TMEM67: variants seen among roughly 807,000 people sequenced by gnomAD.
TMEM67 encodes transmembrane protein 67.
A neutral mutation model predicts 136.6 loss-of-function variants in TMEM67; 124 were observed. The ratio of observed to expected loss-of-function variants is 0.91; its 90% CI spans 0.78 to 1.05. TMEM67 has a LOEUF of 1.05. Among genes scored for constraint, TMEM67 ranks in the 50% least tolerant of loss-of-function variants. The pLI is 0.00. For missense variants in TMEM67, 1,107 were observed against 1,178.4 expected (o/e 0.94, Z 0.89); for synonymous variants, 364 against 390.5 (o/e 0.93, Z 0.80).
At chr8:93,788,965 G>A (rs1205861043) in intron 14 of TMEM67, among the ~76,000 whole-genome samples, 1 of 152,140 alleles carries the variant, frequency 6.6e-6, no homozygotes, top group Non-Finnish European at 1.5e-5. Context: ...GCTTTGAGGA[G>A]GGGTAAATGA....
At chr8:93,803,770 T>C in intron 22 of TMEM67, 86 bp downstream of exon 22, 1 of 837,214 alleles carries the variant, frequency 1.2e-6, no homozygotes, top group Non-Finnish European at 2.0e-6. Flanking sequence ...TAAAAGTGAT[T>C]TGGTATGATT....
rs763834763 is a variant in TMEM67, at chr8:93,787,899, A to G, written c.1468A>G (p.Ile490Val). 5.0e-6 allele frequency: 8 copies of G among 1,614,038 alleles called. No individual in the cohort carries two copies. The highest frequency in any genetic ancestry group is 2.2e-5 in the East Asian group (1 of 44,838). The change falls in exon 14 of 28, where the codon ATT becomes GTT. Residue 490 changes from isoleucine (I) to valine (V), a missense_variant. By Grantham distance (29) the Ile-to-Val change is conservative (BLOSUM62 3). This residue lies in a region of TMEM67 where 925 missense variants were observed against 1,002.4 expected (regional missense o/e 0.92). Coordinates refer to ENST00000453321, the MANE Select transcript of TMEM67 (RefSeq NM_153704.6). The stretch of plus-strand genomic sequence containing the variant: ...AAACATCTACCCTCCCTTAATCACC[A>G]TTGCCTACAGTGACATTGATATCAA... Reference protein sequence around the residue: ...NGNIYPPLITIAYSDIDIKDA... With the variant: ...NGNIYPPLITVAYSDIDIKDA...
At chr8:93,808,803 TA>T in intron 23 of TMEM67, 36 bp from the exon 24 acceptor site, 1 of 1,363,936 alleles carries the variant, frequency 7.3e-7, no homozygotes, top group South Asian at 1.2e-5. Flanking sequence ...AAATTTTTTA[TA>T]ATTTTGATCT....
At position 93,766,021 on chromosome 8, in the gene TMEM67, T is replaced by A. The variant is rs4573244; in HGVS notation, c.651+375T>A. Among the ~76,000 whole-genome samples the A allele has an allele frequency of 3.1e-3, 472 of 152,238 alleles. 13 individuals carry two copies. Among genetic ancestry groups the A allele is most frequent in the Admixed American group, 0.024 (371 of 15,290 alleles). On this transcript the variant is annotated intron_variant, in intron 6 of 27. Coordinates refer to ENST00000453321, the MANE Select transcript of TMEM67 (RefSeq NM_153704.6). Reference sequence around the variant, plus strand: ...GATTTCAAAACTTCATTTTATTGTCTGTAAGTTGGACATAATAAAAATACC... The same window carrying A: ...GATTTCAAAACTTCATTTTATTGTCAGTAAGTTGGACATAATAAAAATACC...
downstream of TMEM67, chr8:93,819,029 T>A (rs1409537988): frequency 2.2e-6 from 1 of 444,764 alleles, no homozygotes. Flanking sequence ...AGTCTTGAAC[T>A]CCTGATCGAG....
At chr8:93,797,499 G>A (rs748462266) in intron 20 of TMEM67, 29 bp downstream of exon 20, 19 of 1,595,988 alleles carry the variant, frequency 1.2e-5, no homozygotes, top group South Asian at 7.8e-5. Flanking sequence ...GATTATATGC[G>A]ACTTACATGT....
chr8:93,776,926 G>A (rs1012863611), intron 7 of TMEM67, among the ~76,000 whole-genome samples: 5 of 152,222 alleles, frequency 3.3e-5, no homozygotes, highest in Non-Finnish European at 5.9e-5. Flanking sequence ...CAGAAGGAAT[G>A]ATACCAGCTC....
intron 16 of TMEM67, chr8:93,794,699 A>G (rs1814528614): frequency 6.6e-6 from 1 of 152,416 alleles, no homozygotes; most frequent in South Asian, 2.1e-4. Context: ...AGAGAAATGA[A>G]CTTTAAGTGG....
chr8:93,765,955 G>T (rs113163019), intron 6 of TMEM67, among the ~76,000 whole-genome samples: 183 of 152,100 alleles, frequency 1.2e-3, no homozygotes, highest in African/African-American at 4.1e-3. Flanking sequence ...TTGAACCCTG[G>T]ATTTGCAAGT....
At chr8:93,799,434 G>A (rs1814767235) in intron 20 of TMEM67, among the ~76,000 whole-genome samples, 184 bp from the exon 21 acceptor site, 1 of 152,110 alleles carries the variant, frequency 6.6e-6, no homozygotes, top group Non-Finnish European at 1.5e-5. Flanking sequence ...TAAATATTGT[G>A]TAATAAATAC....
In TMEM67 at chr8:93,815,786, CA is replaced by C. The variant is rs549548901; in HGVS notation, c.2907+346del. Reference sequence around the variant, plus strand: ...TCCACCCTCTCCAGACGTTAAGTAACAAAAAAACAAGCACTGGAGAGCTAGC... The same window carrying C: ...TCCACCCTCTCCAGACGTTAAGTAACAAAAAACAAGCACTGGAGAGCTAGC... On this transcript the variant is annotated intron_variant, in intron 27 of 27. Coordinates refer to ENST00000453321, the MANE Select transcript of TMEM67 (RefSeq NM_153704.6). Among the ~76,000 whole-genome samples, 73 of 152,008 alleles carry C rather than the reference CA, an allele frequency of 4.8e-4. 1 individual carries two copies. Among genetic ancestry groups the C allele is most frequent in the Non-Finnish European group, 1.8e-4 (12 of 67,992 alleles).
the TMEM67 span, among the ~76,000 whole-genome samples, chr8:93,831,151 T>C: frequency 6.6e-6 from 1 of 152,180 alleles, no homozygotes; most frequent in South Asian, 2.1e-4. Flanking sequence ...ATTTCCAGTT[T>C]TAAAATCACT....
At chr8:93,763,545 G>GA (rs1202391904) in intron 3 of TMEM67, among the ~76,000 whole-genome samples, 1 of 151,842 alleles carries the variant, frequency 6.6e-6, no homozygotes, top group Non-Finnish European at 1.5e-5. Context: ...AATTTTTGAG[G>GA]AAAAAAATAC....
intron 2 of TMEM67, 96 bp downstream of exon 2, chr8:93,755,962 C>T (rs1221687624): frequency 1.1e-5 from 8 of 739,114 alleles, no homozygotes; most frequent in Middle Eastern, 7.6e-4. Flanking sequence ...AATGTTTCCC[C>T]ACAGACTTTA....
At chr8:93,808,333 TAATA>T (rs1355875664) in intron 23 of TMEM67, among the ~76,000 whole-genome samples, 7 of 140,466 alleles carry the variant, frequency 5.0e-5, no homozygotes, top group Admixed American at 2.2e-4. Flanking sequence ...AAATTATAGA[TAATA>T]AATATATATA....
chr8:93,814,004 A>G (rs1426156058), intron 26 of TMEM67, among the ~76,000 whole-genome samples: 1 of 152,170 alleles, frequency 6.6e-6, no homozygotes, highest in Non-Finnish European at 1.5e-5. Context: ...TTCAAGAGAG[A>G]ACATTACCAG....
chr8:93,827,174 G>GC, the TMEM67 span, among the ~76,000 whole-genome samples: 1 of 152,138 alleles, frequency 6.6e-6, no homozygotes, highest in Admixed American at 6.6e-5. Context: ...GAGAAGGTGA[G>GC]CATGGCAGAA....
At chr8:93,808,811 A>G (rs1456508659) in intron 23 of TMEM67, 29 bp from the exon 24 acceptor site, 3 of 1,407,820 alleles carry the variant, frequency 2.1e-6, no homozygotes, top group Admixed American at 3.4e-5. Context: ...TATAATTTTG[A>G]TCTTAACTTA....
intron 12 of TMEM67, 123 bp from the exon 13 acceptor site, chr8:93,786,100 G>A: frequency 1.1e-6 from 1 of 874,780 alleles, no homozygotes; most frequent in Admixed American, 2.2e-5. Flanking sequence ...ACATTCACAT[G>A]AGTTAGAGAA....
Sources: allele counts gnomAD v4.1 joint callset (sites outside exome capture counted in the v4.1 genomes callset), GRCh38; gene constraint gnomAD v4.1.1; regional missense constraint gnomAD v4.1.1; transcripts MANE v1.5; gene names NCBI Gene and HGNC (gene_info 2026-07-23, HGNC 2026-07-21).